KLHL13: variants seen among roughly 807,000 people sequenced by gnomAD.
KLHL13 encodes kelch like family member 13.
Under a neutral mutation model 37.1 loss-of-function variants are expected in KLHL13, and 10 were observed. That is an observed-to-expected ratio of 0.27 (90% CI 0.17 to 0.46). The LOEUF (loss-of-function observed/expected upper bound fraction) is 0.46, where lower values mean the gene tolerates loss of function less well. Among genes scored for constraint, KLHL13 ranks in the 20% least tolerant of loss-of-function variants. The pLI, the probability that KLHL13 is intolerant of heterozygous loss-of-function variation, is 1.00. For synonymous variants in KLHL13, 163 were observed against 181.2 expected (o/e 0.90, Z 0.81); for missense variants, 360 against 509.3 (o/e 0.71, Z 2.82).
intron 1 of KLHL13, among the ~76,000 whole-genome samples, chrX:118,031,734 G>A (rs1044635639): frequency 9.6e-6 from 1 of 104,649 alleles, no homozygotes; most frequent in Non-Finnish European, 1.9e-5. Flanking sequence ...ATTAGCGGAG[G>A]GAGCCAAGAT....
At chrX:117,965,415 G>C (rs571995550) in intron 1 of KLHL13, among the ~76,000 whole-genome samples, 1 of 111,562 alleles carries the variant, frequency 9.0e-6, no homozygotes, top group African/African-American at 3.3e-5. Context: ...AATATCCTTC[G>C]CCCACTTGTT....
chrX:118,092,482 G>C (rs1336184007), intron 1 of KLHL13, among the ~76,000 whole-genome samples: 1 of 111,268 alleles, frequency 9.0e-6, no homozygotes, highest in South Asian at 3.8e-4. Context: ...ATAAAGGGGA[G>C]ATTAAAGCAT....
intron 4 of KLHL13, among the ~76,000 whole-genome samples, chrX:117,916,051 G>A (rs1164948232): frequency 1.8e-5 from 2 of 111,280 alleles, no homozygotes; most frequent in Non-Finnish European, 3.8e-5. Context: ...CCAGCTACTC[G>A]GGAGGCTGAG....
chrX:118,089,610 G>GAAAGAAAGAGAA (rs1348260704), intron 1 of KLHL13, among the ~76,000 whole-genome samples: 1 of 57,538 alleles, frequency 1.7e-5, no homozygotes, highest in Admixed American at 2.1e-4. Context: ...GAGAGAGAGA[G>GAAAGAAAGAGAA]AGAAAGAAAG....
chrX:117,961,962 T>C (rs2053304613), intron 1 of KLHL13, among the ~76,000 whole-genome samples: 2 of 109,392 alleles, frequency 1.8e-5, no homozygotes, highest in Admixed American at 2.0e-4. Flanking sequence ...CCCAGTACTT[T>C]GGGAGGCTGA....
intron 1 of KLHL13, among the ~76,000 whole-genome samples, chrX:117,950,242 G>A (rs896054663): frequency 3.6e-5 from 4 of 112,265 alleles, no homozygotes; most frequent in African/African-American, 9.7e-5. Context: ...CAAAGCAGGC[G>A]GATCACCTGA....
chrX:117,974,664 CA>C (rs1287160162), upstream of KLHL13, among the ~76,000 whole-genome samples: 1 of 111,222 alleles, frequency 9.0e-6, no homozygotes. Context: ...AATATCAAGG[CA>C]AAAAGACAAA....
intron 1 of KLHL13, among the ~76,000 whole-genome samples, chrX:118,042,064 T>A (rs934566841): frequency 8.9e-6 from 1 of 111,967 alleles, no homozygotes; most frequent in Non-Finnish European, 1.9e-5. Context: ...GATAGCTATA[T>A]TTATATCACA....
chrX:118,028,693 T>A (rs1191614624), intron 1 of KLHL13, among the ~76,000 whole-genome samples, 196 bp from the exon 2 acceptor site: 2 of 112,217 alleles, frequency 1.8e-5, no homozygotes, highest in African/African-American at 6.5e-5. Context: ...AGTAAAAATA[T>A]CTATGAAATT....
Position 117,910,202 on chromosome X carries a change from G to A in KLHL13, c.571-106C>T, listed in dbSNP as rs1325815580. On this transcript the variant is annotated intron_variant, in intron 4 of 6. Coordinates refer to ENST00000262820, the Ensembl canonical transcript of KLHL13. ...AATAAGAGTAAATTATGCTTTTAAT[G>A]TTCAAATAGATACAAATAGGATTCT... The A allele has an allele frequency of 2.6e-5, 14 of 540,367 alleles. No homozygotes were observed. The Admixed American group carries it at 5.9e-4, about 23-fold the overall frequency. 44.5% of individuals were successfully genotyped at this position (540,367 alleles called of 1,213,427 possible). A position where few individuals can be genotyped will look rare whatever the true frequency, so the allele number is the denominator to read the frequency against.
chrX:118,087,413 AT>A (rs2055067175), intron 1 of KLHL13, among the ~76,000 whole-genome samples: 1 of 109,801 alleles, frequency 9.1e-6, no homozygotes, highest in Non-Finnish European at 1.9e-5. Flanking sequence ...ACACATATAT[AT>A]ATCTTCTGTG....
chrX:118,001,868 CA>C (rs35056707), intron 1 of KLHL13, among the ~76,000 whole-genome samples: 7,136 of 41,644 alleles, frequency 0.17, 329 homozygotes, highest in African/African-American at 0.27. Flanking sequence ...AAGACCCCGT[CA>C]AAAAAAAAAA....
At position 118,002,368 on chromosome X, in the gene KLHL13, G is replaced by A. The variant is rs759146771; in HGVS notation, c.-55-56793C>T. On this transcript the variant is annotated intron_variant, in intron 1 of 6. Coordinates refer to the KLHL13 transcript ENST00000371882. ...TCCCAGCACTTTGGGAGGCCGAGGTGGGCGGATCACCTGAGGTCAGGAGTT... is the reference window on the plus strand; with the variant it reads ...TCCCAGCACTTTGGGAGGCCGAGGTAGGCGGATCACCTGAGGTCAGGAGTT... 4.5e-5 allele frequency among the ~76,000 whole-genome samples: 5 copies of A among 110,042 alleles called. No homozygotes were observed. In the South Asian group the frequency reaches 1.2e-3, roughly 26 times the overall value.
intron 1 of KLHL13, among the ~76,000 whole-genome samples, chrX:118,025,404 C>G (rs1026799429): frequency 9.0e-6 from 1 of 111,555 alleles, no homozygotes; most frequent in Non-Finnish European, 1.9e-5. Context: ...TCACTCCACC[C>G]CACCCACGAC....
intron 1 of KLHL13, chrX:117,983,409 G>A: frequency 1.7e-6 from 1 of 596,789 alleles, no homozygotes; most frequent in South Asian, 3.2e-5. Context: ...TATTCTCAGG[G>A]TCTTTCATGA....
At chrX:117,966,394 T>TC (rs1450262612) in intron 1 of KLHL13, among the ~76,000 whole-genome samples, 2 of 110,329 alleles carry the variant, frequency 1.8e-5, no homozygotes, top group Non-Finnish European at 3.8e-5. Context: ...AAACCACTGC[T>TC]CAAGGAAATA....
intron 5 of KLHL13, among the ~76,000 whole-genome samples, chrX:117,908,296 T>A (rs1421964979): frequency 2.8e-5 from 3 of 108,147 alleles, no homozygotes; most frequent in Admixed American, 2.0e-4. Context: ...CAGAACGTGC[T>A]GTTTTGTTAC....
chrX:118,034,176 G>C (rs2054401902), intron 1 of KLHL13, among the ~76,000 whole-genome samples: 1 of 102,521 alleles, frequency 9.8e-6, no homozygotes, highest in Non-Finnish European at 1.9e-5. Flanking sequence ...ACATTAGACA[G>C]ATCAACGAGA....
intron 5 of KLHL13, among the ~76,000 whole-genome samples, chrX:117,907,736 G>A (rs1289136554): frequency 9.0e-6 from 1 of 110,590 alleles, no homozygotes; most frequent in African/African-American, 3.3e-5. Flanking sequence ...TCATGATCAT[G>A]CGACATAGTC....
Sources: gnomAD v4.1 joint callset for allele counts (sites outside exome capture counted in the v4.1 genomes callset) on GRCh38, gnomAD v4.1.1 for gene constraint, MANE v1.5 for transcripts, NCBI Gene and HGNC (gene_info 2026-07-23, HGNC 2026-07-21) for gene names.